ST3GAL5: variants seen among roughly 807,000 people sequenced by gnomAD.
ST3GAL5 encodes lactosylceramide alpha-2,3-sialyltransferase.
A neutral mutation model predicts 46.1 loss-of-function variants in ST3GAL5; 25 were observed. The observed-to-expected ratio is 0.54, with a 90% CI of 0.40 to 0.76. The LOEUF is 0.76. Among genes scored for constraint, ST3GAL5 ranks in the 30% least tolerant of loss-of-function variants. ST3GAL5 has a pLI of 0.00. For synonymous variants in ST3GAL5, 182 were observed against 192.7 expected (o/e 0.94, Z 0.46); for missense variants, 431 against 521.2 (o/e 0.83, Z 1.69).
chr2:85,848,188 G>T lies in ST3GAL5; in HGVS notation c.335C>A (p.Ala112Asp). ...PDHVKRAQKY[A>D]QQVLQKECRP... is the part of the protein sequence containing the mutation. ...ACATTCCTTCTGCAAGACTTGCTGA[G>T]CATATTTCTGAGCTCTCTGGAATGA... Residue 112 changes from alanine to aspartate, a missense_variant, in exon 4 of 7, where the codon GCT becomes GAT. Ala to Asp is a moderately radical substitution (Grantham distance 126). Transcript: ENST00000638572. 1 of 1,614,216 alleles carries T rather than the reference G, an allele frequency of 6.2e-7. No individual in the cohort carries two copies. The highest frequency in any genetic ancestry group is 8.5e-7 in the Non-Finnish European group (1 of 1,180,032).
At chr2:85,883,954 C>G (rs1441976009) in intron 1 of ST3GAL5, among the ~76,000 whole-genome samples, 1 of 152,094 alleles carries the variant, frequency 6.6e-6, no homozygotes, top group Non-Finnish European at 1.5e-5. Flanking sequence ...ATCTCTCAGG[C>G]CCCTAAGATC....
At chr2:85,861,090 T>A in intron 3 of ST3GAL5, 91 bp downstream of exon 3, 1 of 940,926 alleles carries the variant, frequency 1.1e-6, no homozygotes, top group Non-Finnish European at 1.7e-6. Flanking sequence ...TTTATTAACA[T>A]ATATTTGTCA....
rs1310142351 is a variant in ST3GAL5 at position 85,875,542 on chromosome 2, T to C, written c.83-12057A>G. The C allele has an allele frequency of 2.6e-5, 4 of 152,286 alleles. No homozygotes were observed. In the South Asian group the frequency reaches 6.2e-4, roughly 24 times the overall value. 9.4% of individuals were successfully genotyped at this position (152,286 alleles called of 1,614,324 possible). A position where few individuals can be genotyped will look rare whatever the true frequency, so the allele number is the denominator to read the frequency against. On this transcript the variant is annotated intron_variant, in intron 1 of 6. Coordinates refer to ENST00000638572, the MANE Select transcript of ST3GAL5 (RefSeq NM_003896.4). ...TCCAATAAAATGTTACGATTCTCAC[T>C]CATCTACATTTCAAAGGAAGAACAA...
intron 1 of ST3GAL5, among the ~76,000 whole-genome samples, chr2:85,880,356 T>C (rs574746811): frequency 6.6e-6 from 1 of 152,372 alleles, no homozygotes; most frequent in East Asian, 1.9e-4. Context: ...AATTTTCTTT[T>C]ACACCCCACT....
rs372445838 is a variant in ST3GAL5 at position 85,867,685 on chromosome 2, C to T, written c.83-4200G>A. 108 of 780,190 alleles carry T rather than the reference C, an allele frequency of 1.4e-4. No individual in the cohort carries two copies. The African/African-American group carries it at 1.6e-3, about 12-fold the overall frequency. 48.3% of individuals were successfully genotyped at this position (780,190 alleles called of 1,614,324 possible). On this transcript the variant is annotated intron_variant, in intron 1 of 6. Transcript: ENST00000638572. Reference sequence around the variant, plus strand: ...TTACTCCCCAGACTGAGGGTGTATACACCCAGGTCTTAAATACCATACTGA... The same window carrying T: ...TTACTCCCCAGACTGAGGGTGTATATACCCAGGTCTTAAATACCATACTGA...
At chr2:85,859,274 G>A (rs562484047) in intron 3 of ST3GAL5, among the ~76,000 whole-genome samples, 1 of 152,134 alleles carries the variant, frequency 6.6e-6, no homozygotes, top group African/African-American at 2.4e-5. Context: ...AGTGGAGAAG[G>A]GCAGCAGAGA....
At chr2:85,851,790 G>A (rs1219708032) in intron 3 of ST3GAL5, 4 of 1,180,884 alleles carry the variant, frequency 3.4e-6, no homozygotes, top group Non-Finnish European at 4.5e-6. Context: ...CTGGGGCCTG[G>A]GTGGCATTCA....
At chr2:85,866,103 C>T (rs750710570) in intron 1 of ST3GAL5, 2 of 152,204 alleles carry the variant, frequency 1.3e-5, no homozygotes, top group Non-Finnish European at 2.9e-5. Flanking sequence ...GACAATGGCT[C>T]CCTGAAGACC....
intron 1 of ST3GAL5, among the ~76,000 whole-genome samples, chr2:85,863,990 G>A (rs1287458052): frequency 6.6e-6 from 1 of 152,300 alleles, no homozygotes; most frequent in South Asian, 2.1e-4. Context: ...ACATGCATGA[G>A]CCACTGCACC....
chr2:85,854,694 C>T (rs1335224787), intron 3 of ST3GAL5: 1 of 152,166 alleles, frequency 6.6e-6, no homozygotes, highest in Non-Finnish European at 1.5e-5. Context: ...TACTATCTCC[C>T]CTTCCCCCTG....
At chr2:85,878,362 T>C (rs1351420250) in intron 1 of ST3GAL5, among the ~76,000 whole-genome samples, 3 of 152,258 alleles carry the variant, frequency 2.0e-5, no homozygotes, top group African/African-American at 7.2e-5. Flanking sequence ...GCTCTTTGCA[T>C]AGATATACTA....
intron 1 of ST3GAL5, among the ~76,000 whole-genome samples, chr2:85,879,437 C>A (rs1338083900): frequency 6.6e-6 from 1 of 152,078 alleles, no homozygotes; most frequent in Non-Finnish European, 1.5e-5. Context: ...GGGTGTCCCT[C>A]AAAGAGAAAG....
At chr2:85,886,294 G>A (rs1413733683) in intron 1 of ST3GAL5, among the ~76,000 whole-genome samples, 1 of 152,204 alleles carries the variant, frequency 6.6e-6, no homozygotes, top group East Asian at 1.9e-4. Flanking sequence ...AATTAGCTGG[G>A]TCTGGTGGTG....
chr2:85,867,134 AT>A (rs1378981682), intron 1 of ST3GAL5, among the ~76,000 whole-genome samples: 1 of 152,184 alleles, frequency 6.6e-6, no homozygotes, highest in Non-Finnish European at 1.5e-5. Context: ...CTACAAAAAA[AT>A]AATAATAAAT....
At chr2:85,873,404 C>T (rs1408955921) in intron 1 of ST3GAL5, among the ~76,000 whole-genome samples, 1 of 152,032 alleles carries the variant, frequency 6.6e-6, no homozygotes, top group Non-Finnish European at 1.5e-5. Context: ...TGATGAAGGG[C>T]CCTGGAGGAT....
intron 1 of ST3GAL5, among the ~76,000 whole-genome samples, chr2:85,871,480 C>T (rs1277382736): frequency 6.6e-6 from 1 of 152,140 alleles, no homozygotes; most frequent in Non-Finnish European, 1.5e-5. Context: ...AAGAATTAAC[C>T]ATTTAATGTA....
At position 85,840,335 on chromosome 2, in the gene ST3GAL5, C is replaced by T; in HGVS notation, c.1066G>A (p.Val356Ile). Residue 356 changes from valine to isoleucine, a missense_variant, in exon 7 of 7, where the codon GTC becomes ATC. Val to Ile is a conservative substitution (Grantham distance 29). Coordinates refer to ENST00000638572, the MANE Select transcript of ST3GAL5 (RefSeq NM_003896.4). ...TCATATCCAAAACCCGCCAAACTGA[C>T]TTCATCGCACAGATGTGTGGCTAAG... ...VVLATHLCDE[V>I]SLAGFGYDLN... 1 of 1,613,958 alleles carries T rather than the reference C, an allele frequency of 6.2e-7. No homozygotes were observed. The highest frequency in any genetic ancestry group is 8.5e-7 in the Non-Finnish European group (1 of 1,179,806).
In ST3GAL5 at chr2:85,861,305, C is replaced by T; in HGVS notation, c.207-13G>A. ...AAGCAATGTACATCTGGAAAAAAAT[C>T]AATTAGGTATTATGATGTAGTCATG... On this transcript the variant is annotated splice_polypyrimidine_tract_variant and intron_variant, in intron 2 of 6. Transcript: ENST00000638572. The T allele has an allele frequency of 1.3e-6, 2 of 1,509,806 alleles. No individual in the cohort carries two copies. The highest frequency in any genetic ancestry group is 1.8e-6 in the Non-Finnish European group (2 of 1,085,848). The allele number at this position is 1,509,806 out of a possible 1,614,324, so 93.5% of individuals were successfully genotyped here.
chr2:85,854,033 C>T (rs1250279495), intron 3 of ST3GAL5: 1 of 152,184 alleles, frequency 6.6e-6, no homozygotes, highest in Non-Finnish European at 1.5e-5. Context: ...TTACTAGTTT[C>T]AAACTCACGG....
Sources: allele counts gnomAD v4.1 joint callset (sites outside exome capture counted in the v4.1 genomes callset), GRCh38; gene constraint gnomAD v4.1.1; transcripts MANE v1.5; gene names NCBI Gene and HGNC (gene_info 2026-07-23, HGNC 2026-07-21).